The following ARHGAP21 variants were observed in gnomAD, a reference collection of about 807,000 sequenced individuals.
ARHGAP21 encodes the protein Rho GTPase activating protein 21, also known as rho GTPase-activating protein 21.
In ARHGAP21, 38 loss-of-function variants were observed where a neutral mutation model predicts 164.6. The observed-to-expected ratio is 0.23, with a 90% confidence interval of 0.18 to 0.30. The LOEUF is 0.30. Ranked by LOEUF, ARHGAP21 falls within the 10% of genes least tolerant of loss-of-function variation. The pLI, the probability that ARHGAP21 is intolerant of heterozygous loss-of-function variation, is 1.00. For synonymous variants in ARHGAP21, 766 were observed against 857.9 expected (o/e 0.89, Z 1.87); for missense variants, 1,822 against 2,370.7 (o/e 0.77, Z 4.81).
chr10:24,607,714 T>C (rs966194727), intron 10 of ARHGAP21, 31 bp downstream of exon 10: 4 of 1,612,166 alleles, frequency 2.5e-6, no homozygotes, highest in Non-Finnish European at 2.5e-6. Flanking sequence ...GAGCATGAGA[T>C]ACGGTTTACA....
chr10:24,633,348 G>A, intron 6 of ARHGAP21, 54 bp downstream of exon 6: 1 of 1,203,380 alleles, frequency 8.3e-7, no homozygotes. Flanking sequence ...AAATCTATGT[G>A]CTCTATTGAT....
At chr10:24,701,648 A>G (rs1843683124) in intron 2 of ARHGAP21, among the ~76,000 whole-genome samples, 1 of 152,194 alleles carries the variant, frequency 6.6e-6, no homozygotes, top group South Asian at 2.1e-4. Context: ...GAGAAGAATG[A>G]CTAGGGTTTG....
At chr10:24,694,859 C>G (rs925334505) in intron 2 of ARHGAP21, among the ~76,000 whole-genome samples, 4 of 151,876 alleles carry the variant, frequency 2.6e-5, no homozygotes, top group Non-Finnish European at 5.9e-5. Context: ...CAAAACCAGC[C>G]TGGCCAAATG....
At chr10:24,618,136 A>AT (rs1834172417) in intron 9 of ARHGAP21, among the ~76,000 whole-genome samples, 1 of 152,202 alleles carries the variant, frequency 6.6e-6, no homozygotes, top group Non-Finnish European at 1.5e-5. Flanking sequence ...TATTAAGGAC[A>AT]TAAGTCATCA....
chr10:24,653,486 T>C (rs1275481355), intron 4 of ARHGAP21, among the ~76,000 whole-genome samples: 2 of 151,624 alleles, frequency 1.3e-5, no homozygotes, highest in Non-Finnish European at 2.9e-5. Flanking sequence ...TGAGGCAGAA[T>C]GGTGTGAACC....
intron 2 of ARHGAP21, among the ~76,000 whole-genome samples, chr10:24,683,213 AT>A (rs573827852): frequency 6.6e-6 from 1 of 151,690 alleles, no homozygotes; most frequent in African/African-American, 2.4e-5. Context: ...TTTGGGCTTA[AT>A]TTTTTTTAAA....
At chr10:24,697,442 T>C (rs1367213824) in intron 2 of ARHGAP21, among the ~76,000 whole-genome samples, 1 of 152,158 alleles carries the variant, frequency 6.6e-6, no homozygotes, top group Non-Finnish European at 1.5e-5. Flanking sequence ...TTTCTTCTTC[T>C]CCAGGCTCCC....
At chr10:24,611,813 A>T (rs918752796) in intron 9 of ARHGAP21, among the ~76,000 whole-genome samples, 4 of 152,208 alleles carry the variant, frequency 2.6e-5, no homozygotes, top group Admixed American at 2.0e-4. Flanking sequence ...TCTACCACAG[A>T]AGTTCTTCCC....
chr10:24,593,369 G>A (rs2076422481), intron 21 of ARHGAP21, among the ~76,000 whole-genome samples: 1 of 152,062 alleles, frequency 6.6e-6, no homozygotes, highest in African/African-American at 2.4e-5. Flanking sequence ...GCTGGTGCTG[G>A]TGGCTCAAAA....
intron 4 of ARHGAP21, among the ~76,000 whole-genome samples, chr10:24,661,977 C>A (rs1222780447): frequency 1.3e-5 from 2 of 152,128 alleles, no homozygotes; most frequent in Non-Finnish European, 2.9e-5. Flanking sequence ...ACTGGGATGC[C>A]AACAGCAAAC....
intron 2 of ARHGAP21, among the ~76,000 whole-genome samples, chr10:24,707,808 C>T (rs1844384702): frequency 6.6e-6 from 1 of 152,176 alleles, no homozygotes; most frequent in Non-Finnish European, 1.5e-5. Context: ...TTCAGACCCC[C>T]ATCAACTTTC....
intron 21 of ARHGAP21, 27 bp from the exon 22 acceptor site, chr10:24,592,039 T>A: frequency 6.6e-7 from 1 of 1,516,936 alleles, no homozygotes; most frequent in South Asian, 1.4e-5. Flanking sequence ...TACTGGGAAA[T>A]ACCAGAATTT....
intron 7 of ARHGAP21, among the ~76,000 whole-genome samples, chr10:24,627,667 T>C (rs1390255759): frequency 1.3e-5 from 2 of 152,242 alleles, no homozygotes; most frequent in Non-Finnish European, 2.9e-5. Context: ...CTTTATATTT[T>C]ACTTTTACTT....
intron 24 of ARHGAP21, 159 bp downstream of exon 24, chr10:24,591,066 A>C (rs1044622339): frequency 1.8e-6 from 1 of 552,880 alleles, no homozygotes; most frequent in African/African-American, 2.0e-5. Context: ...AAGATAATTC[A>C]GATCAATTGG....
At chr10:24,645,965 A>C (rs1261064826) in intron 4 of ARHGAP21, among the ~76,000 whole-genome samples, 1 of 152,206 alleles carries the variant, frequency 6.6e-6, no homozygotes, top group East Asian at 1.9e-4. Flanking sequence ...GTGCACAGCT[A>C]TCTGAAGGAA....
At chr10:24,697,606 CA>C (rs1843283105) in intron 2 of ARHGAP21, among the ~76,000 whole-genome samples, 1 of 152,078 alleles carries the variant, frequency 6.6e-6, no homozygotes, top group East Asian at 1.9e-4. Flanking sequence ...CCTCTAATCC[CA>C]GCACTTTGGG....
intron 6 of ARHGAP21, among the ~76,000 whole-genome samples, chr10:24,632,741 A>C (rs1392403899): frequency 4.6e-5 from 7 of 152,226 alleles, no homozygotes; most frequent in Admixed American, 2.0e-4. Context: ...TGATGATCCG[A>C]CTAGGCTCAG....
intron 4 of ARHGAP21, among the ~76,000 whole-genome samples, chr10:24,637,646 A>G (rs1481680487): frequency 6.6e-6 from 1 of 152,220 alleles, no homozygotes; most frequent in East Asian, 1.9e-4. Context: ...TCACTTACAC[A>G]GAACAGAGGT....
intron 15 of ARHGAP21, 65 bp from the exon 16 acceptor site, chr10:24,597,648 C>A (rs185086022): frequency 2.5e-6 from 4 of 1,585,732 alleles, no homozygotes; most frequent in Non-Finnish European, 3.4e-6. Context: ...GTTTCAGTTA[C>A]CCGTGGTGAG....
Sources: allele counts gnomAD v4.1 joint callset (sites outside exome capture counted in the v4.1 genomes callset), GRCh38; gene constraint gnomAD v4.1.1; transcripts MANE v1.5; gene names NCBI Gene and HGNC (gene_info 2026-07-23, HGNC 2026-07-21).